The following OXR1 variants were observed in gnomAD, a reference collection of about 807,000 sequenced individuals.
OXR1 encodes the protein oxidation resistance protein 1.
A neutral mutation model predicts 104.6 loss-of-function variants in OXR1; 41 were observed. The observed-to-expected ratio is 0.39, with a 90% confidence interval of 0.31 to 0.51. The LOEUF (loss-of-function observed/expected upper bound fraction) is 0.51. Among genes scored for constraint, OXR1 ranks in the 20% least tolerant of loss-of-function variants. OXR1 has a pLI of 0.77. For synonymous variants in OXR1, 348 were observed against 348.4 expected (o/e 1.00, Z 0.01); for missense variants, 955 against 1,031.9 (o/e 0.93, Z 1.02).
intron 11 of OXR1, among the ~76,000 whole-genome samples, chr8:106,722,334 CT>C (rs907425920): frequency 2.1e-4 from 32 of 151,030 alleles, no homozygotes; most frequent in East Asian, 9.7e-4. Flanking sequence ...TTTAAGTATT[CT>C]TTTTTTTTAA....
At chr8:106,322,378 G>C (rs1814262812) in intron 1 of OXR1, among the ~76,000 whole-genome samples, 1 of 152,088 alleles carries the variant, frequency 6.6e-6, no homozygotes, top group Non-Finnish European at 1.5e-5. Flanking sequence ...CAGTAAGCTG[G>C]GTATTGAGGG....
rs148990752 is a variant in OXR1, at chr8:106,480,357, T to C, written c.24-38586T>C. Among the ~76,000 whole-genome samples, 537 of 152,184 alleles carry C rather than the reference T, an allele frequency of 3.5e-3. 6 individuals carry two copies. Among genetic ancestry groups the C allele is most frequent in the African/African-American group, 0.012 (496 of 41,560 alleles). On this transcript the variant is annotated intron_variant, in intron 2 of 16. Transcript: ENST00000517566. Reference sequence around the variant, plus strand: ...TTTTCTGCATTTTTTCTCATTTCAGTGTAAAGGCCTTGTGGGAGAAGGTTT... The same window carrying C: ...TTTTCTGCATTTTTTCTCATTTCAGCGTAAAGGCCTTGTGGGAGAAGGTTT...
intron 3 of OXR1, among the ~76,000 whole-genome samples, chr8:106,611,419 C>A (rs529775011): frequency 6.6e-6 from 1 of 152,146 alleles, no homozygotes; most frequent in African/African-American, 2.4e-5. Context: ...TAACTCTGTA[C>A]GCATTTCATT....
intron 1 of OXR1, among the ~76,000 whole-genome samples, chr8:106,323,114 G>T (rs79737308): frequency 0.024 from 3,656 of 152,240 alleles, 55 homozygotes; most frequent in South Asian, 0.097. Context: ...AAAGCTGGAG[G>T]CATCTTTACC....
chr8:106,380,236 T>C (rs1817088636), intron 2 of OXR1, among the ~76,000 whole-genome samples: 2 of 147,980 alleles, frequency 1.4e-5, no homozygotes, highest in Non-Finnish European at 2.9e-5. Context: ...TAGTCTTCTC[T>C]TTCTGTTTTT....
chr8:106,352,192 T>A (rs1380719765), intron 1 of OXR1, among the ~76,000 whole-genome samples: 1 of 152,202 alleles, frequency 6.6e-6, no homozygotes, highest in African/African-American at 2.4e-5. Flanking sequence ...GAAAAGTGGA[T>A]GTGTTCCAAA....
At chr8:106,423,116 A>G (rs974347257) in intron 2 of OXR1, among the ~76,000 whole-genome samples, 1 of 152,202 alleles carries the variant, frequency 6.6e-6, no homozygotes, top group Non-Finnish European at 1.5e-5. Flanking sequence ...ATTTGCTCCC[A>G]TAATGAATAC....
intron 2 of OXR1, among the ~76,000 whole-genome samples, chr8:106,487,751 C>G (rs1393490430): frequency 2.0e-5 from 3 of 151,372 alleles, no homozygotes; most frequent in Non-Finnish European, 4.4e-5. Context: ...AGGACATGAA[C>G]TCATCATTTT....
At chr8:106,591,410 G>A (rs1305463231) in intron 3 of OXR1, among the ~76,000 whole-genome samples, 3 of 147,880 alleles carry the variant, frequency 2.0e-5, no homozygotes, top group South Asian at 2.2e-4. Flanking sequence ...AAACGTGCAC[G>A]TTGTGCACAT....
chr8:106,509,690 T>TA (rs1372627568), intron 2 of OXR1, among the ~76,000 whole-genome samples: 1 of 152,218 alleles, frequency 6.6e-6, no homozygotes, highest in African/African-American at 2.4e-5. Context: ...ACTTAGTGAA[T>TA]AAAAAATTGA....
At chr8:106,354,796 G>A (rs184800898) in intron 1 of OXR1, among the ~76,000 whole-genome samples, 367 of 152,214 alleles carry the variant, frequency 2.4e-3, no homozygotes, top group African/African-American at 8.6e-3. Flanking sequence ...TTAGAAAAAT[G>A]TGTCTTTTGC....
rs759382164 is a variant in OXR1, at chr8:106,713,830, C to G, written c.1801C>G (p.His601Asp). The stretch of plus-strand genomic sequence containing the variant: ...AGTCACTTCTCCTAACAGGACAGAT[C>G]ACTTGTATGCCTTCTTCATTCAGTG... ...WFAVPQERTDHLYAFFIQWSP... is the reference protein window; with the variant it reads ...WFAVPQERTDDLYAFFIQWSP... The change falls in exon 11 of 17, where the codon CAC becomes GAC. Residue 601 changes from histidine (H) to aspartate (D), a missense_variant. Physicochemically the swap from His to Asp is moderately conservative, Grantham distance 81. Transcript: ENST00000517566. The G allele has an allele frequency of 6.4e-7, 1 of 1,552,518 alleles. No homozygotes were observed. Among genetic ancestry groups the G allele is most frequent in the Non-Finnish European group, 8.6e-7 (1 of 1,159,328 alleles).
chr8:106,422,780 A>G (rs1409961528), intron 2 of OXR1, among the ~76,000 whole-genome samples: 1 of 152,212 alleles, frequency 6.6e-6, no homozygotes, highest in Non-Finnish European at 1.5e-5. Flanking sequence ...GCCTAAGGTC[A>G]CAGTCAGTTG....
chr8:106,311,581 G>A lies in OXR1; in HGVS notation c.-139+41214G>A, dbSNP rs888751468. On this transcript the variant is annotated intron_variant, in intron 1 of 16. Transcript: ENST00000517566. ...AGACTATTGGTTTAACTTTTTAGAAGACCCAGCTGCTATTGTCTTACTGGG... is the reference window on the plus strand; with the variant it reads ...AGACTATTGGTTTAACTTTTTAGAAAACCCAGCTGCTATTGTCTTACTGGG... Among the ~76,000 whole-genome samples the A allele has an allele frequency of 4.9e-4, 74 of 152,268 alleles. 1 individual carries two copies. Among genetic ancestry groups the A allele is most frequent in the African/African-American group, 1.6e-3 (68 of 41,552 alleles).
chr8:106,296,973 C>T (rs1370970949), intron 1 of OXR1, among the ~76,000 whole-genome samples: 1 of 152,194 alleles, frequency 6.6e-6, no homozygotes, highest in African/African-American at 2.4e-5. Context: ...AGTCCAAGCA[C>T]ACCCTAGAGC....
intron 3 of OXR1, among the ~76,000 whole-genome samples, chr8:106,646,191 C>T (rs948536070): frequency 2.0e-5 from 3 of 151,814 alleles, no homozygotes; most frequent in Non-Finnish European, 2.9e-5. Context: ...CTGCAACCTC[C>T]GCCCCCCAAG....
chr8:106,688,256 T>G (rs770151257), intron 6 of OXR1, among the ~76,000 whole-genome samples: 2 of 152,074 alleles, frequency 1.3e-5, no homozygotes, highest in Non-Finnish European at 2.9e-5. Flanking sequence ...TTTAAAGTAC[T>G]TATGTTTATA....
At chr8:106,493,570 T>A (rs1811234891) in intron 2 of OXR1, among the ~76,000 whole-genome samples, 1 of 152,032 alleles carries the variant, frequency 6.6e-6, no homozygotes, top group Non-Finnish European at 1.5e-5. Context: ...ACTAACAATG[T>A]CGGGCCACAC....
intron 7 of OXR1, among the ~76,000 whole-genome samples, chr8:106,700,570 G>C (rs1420334617): frequency 1.3e-5 from 2 of 152,106 alleles, no homozygotes; most frequent in African/African-American, 4.8e-5. Context: ...CTAGTGGGTA[G>C]GACTTCAAAC....
Sources: gnomAD v4.1 joint callset for allele counts (sites outside exome capture counted in the v4.1 genomes callset) on GRCh38, gnomAD v4.1.1 for gene constraint, MANE v1.5 for transcripts, NCBI Gene and HGNC (gene_info 2026-07-23, HGNC 2026-07-21) for gene names.